Variants in CROCC2 observed in about 807,000 individuals in gnomAD.
The protein encoded by CROCC2 is ciliary rootlet coiled-coil, rootletin family member 2.
Under a neutral mutation model 177.6 loss-of-function variants are expected in CROCC2, and 163 were observed. That is an observed-to-expected ratio of 0.92 (90% CI 0.81 to 1.05). The LOEUF (loss-of-function observed/expected upper bound fraction) is 1.05, where lower values mean the gene tolerates loss of function less well. CROCC2 is among the 50% of genes least tolerant of loss of function. CROCC2 has a pLI of 0.00. For synonymous variants in CROCC2, 904 were observed against 787.3 expected (o/e 1.15, Z -2.48); for missense variants, 1,929 against 1,797.8 (o/e 1.07, Z -1.32).
Position 240,967,535 on chromosome 2 carries a change from G to A in CROCC2, c.4267+70G>A, listed in dbSNP as rs977171699. 6.9e-5 allele frequency: 106 copies of A among 1,533,922 alleles called. No individual in the cohort carries two copies. In the African/African-American group the frequency reaches 1.3e-3, roughly 18 times the overall value. ...AGAGTGGCACCACCATGTCCCCACTGCTGCCGGCTATAAGCTTTCAGTCCC... is the reference window on the plus strand; with the variant it reads ...AGAGTGGCACCACCATGTCCCCACTACTGCCGGCTATAAGCTTTCAGTCCC... On this transcript the variant is annotated intron_variant, in intron 26 of 31. Coordinates refer to ENST00000690015, the MANE Select transcript of CROCC2 (RefSeq NM_001351305.2).
Position 240,964,274 on chromosome 2 carries a change from C to T in CROCC2, c.3306-192C>T, listed in dbSNP as rs550638994. ...AGGTGGATAGTGGACAGGGGCCATG[C>T]GGCCGGCACCGGGACCTGGGTGGAC... On this transcript the variant is annotated intron_variant, in intron 21 of 31. Coordinates refer to ENST00000690015, the MANE Select transcript of CROCC2 (RefSeq NM_001351305.2). 2.4e-3 allele frequency: 1,527 copies of T among 644,656 alleles called. 5 individuals are homozygous for T. Among genetic ancestry groups the T allele is most frequent in the Non-Finnish European group, 3.3e-3 (1,220 of 366,596 alleles). The allele number at this position is 644,656 out of a possible 1,614,324, so 39.9% of individuals were successfully genotyped here.
intron 5 of CROCC2, 145 bp from the exon 6 acceptor site, chr2:240,930,021 C>T (rs2059417443): frequency 3.8e-6 from 2 of 532,506 alleles, no homozygotes; most frequent in African/African-American, 3.8e-5. Context: ...GCCCAGGGCT[C>T]ATTTGCCTGT....
Position 240,931,039 on chromosome 2 carries a change from C to T in CROCC2, c.858C>T (p.Ser286=). 1.4e-6 allele frequency: 1 copy of T among 716,702 alleles called. No individual in the cohort carries two copies. Among genetic ancestry groups the T allele is most frequent in the Non-Finnish European group, 2.6e-6 (1 of 384,804 alleles). 44.4% of individuals were successfully genotyped at this position (716,702 alleles called of 1,614,324 possible). ...GGCTGTCGGCCAGCAGCACGGCCAGCACCCTGGGGCAGCAGCTTCGGGACA... is the reference window on the plus strand; with the variant it reads ...GGCTGTCGGCCAGCAGCACGGCCAGTACCCTGGGGCAGCAGCTTCGGGACA... ...NLRLSASSTA[S]TLGQQLRDKA... The change falls in exon 7 of 32, where the codon AGC becomes AGT. Residue 286 remains serine, a synonymous_variant. Coordinates refer to ENST00000690015, the MANE Select transcript of CROCC2 (RefSeq NM_001351305.2).
intron 28 of CROCC2, among the ~76,000 whole-genome samples, chr2:240,984,186 G>C (rs910707360): frequency 1.3e-5 from 2 of 152,126 alleles, no homozygotes; most frequent in South Asian, 2.1e-4. Flanking sequence ...GTGTCCAGGG[G>C]TGGGCCGCAG....
chr2:240,927,756 T>C (rs2059403196), intron 5 of CROCC2, among the ~76,000 whole-genome samples: 1 of 152,270 alleles, frequency 6.6e-6, no homozygotes, highest in Non-Finnish European at 1.5e-5. Context: ...GTTCAAACGA[T>C]TCTCCCGCCT....
chr2:240,915,065 A>G (rs781349277), intron 1 of CROCC2, among the ~76,000 whole-genome samples: 3 of 152,126 alleles, frequency 2.0e-5, no homozygotes, highest in African/African-American at 4.8e-5. Flanking sequence ...TGCAGGCAGT[A>G]TGGGCTGGCA....
Position 240,933,818 on chromosome 2 carries a change from C to G in CROCC2, c.1612C>G (p.Arg538Gly). Reference sequence around the variant, plus strand: ...AGAGCGGAGGGAGGAGCTGGCTCTGCGGAGGGAGCGGAGCTGCAGGGCACT... The same window carrying G: ...AGAGCGGAGGGAGGAGCTGGCTCTGGGGAGGGAGCGGAGCTGCAGGGCACT... ...QAERREELALRRERSCRALET... is the reference protein window; with the variant it reads ...QAERREELALGRERSCRALET... Residue 538 changes from arginine to glycine, a missense_variant, in exon 11 of 32, where the codon CGG (arginine) becomes GGG (glycine). Coordinates refer to ENST00000690015, the MANE Select transcript of CROCC2 (RefSeq NM_001351305.2). The G allele has an allele frequency of 6.5e-7, 1 of 1,548,042 alleles. No individual in the cohort carries two copies. The highest frequency in any genetic ancestry group is 8.7e-7 in the Non-Finnish European group (1 of 1,146,642).
At chr2:240,971,925 C>T (rs115191628) in intron 27 of CROCC2, among the ~76,000 whole-genome samples, 1,993 of 152,210 alleles carry the variant, frequency 0.013, 38 homozygotes, top group African/African-American at 0.043. Context: ...CCTGTCCCCA[C>T]GGTGGCCTCG....
chr2:240,983,358 G>C, intron 28 of CROCC2: 1 of 1,294,038 alleles, frequency 7.7e-7, no homozygotes. Flanking sequence ...GCCTTAGATG[G>C]AACGACCCCG....
intron 27 of CROCC2, among the ~76,000 whole-genome samples, chr2:240,968,876 G>A (rs1042463472): frequency 6.6e-6 from 1 of 152,172 alleles, no homozygotes; most frequent in Non-Finnish European, 1.5e-5. Flanking sequence ...CCAGGCCTTG[G>A]TCCTCAGTGC....
At position 240,917,277 on chromosome 2, in the gene CROCC2, G is replaced by A. The variant is rs2059326902; in HGVS notation, c.79-1449G>A. The stretch of plus-strand genomic sequence containing the variant: ...GGCGCCATGCTGAGCCTGGGTCTGC[G>A]GTGACTCTCCAACCCCGGCGAGGGG... On this transcript the variant is annotated intron_variant, in intron 1 of 31. Coordinates refer to ENST00000690015, the MANE Select transcript of CROCC2 (RefSeq NM_001351305.2). This position sits in a 1 kb window ranked among gnomAD's most constrained non-coding sequence, Gnocchi z 4.9. 1.5e-5 allele frequency among the ~76,000 whole-genome samples: 2 copies of A among 136,270 alleles called. No individual in the cohort carries two copies. The highest frequency in any genetic ancestry group is 2.5e-4 in the South Asian group (1 of 4,054). The allele number at this position is 136,270 out of a possible 152,430, so 89.4% of individuals were successfully genotyped here.
rs1463986890 is a variant in CROCC2 at position 240,958,584 on chromosome 2, G to A, written c.2944-717G>A. 2.1e-5 allele frequency: 21 copies of A among 985,224 alleles called. No individual in the cohort carries two copies. The highest frequency in any genetic ancestry group is 6.1e-5 in the Admixed American group (1 of 16,294). 61.0% of individuals were successfully genotyped at this position (985,224 alleles called of 1,614,324 possible). A position where few individuals can be genotyped will look rare whatever the true frequency, so the allele number is the denominator to read the frequency against. On this transcript the variant is annotated intron_variant, in intron 19 of 31. Coordinates refer to ENST00000690015, the MANE Select transcript of CROCC2 (RefSeq NM_001351305.2). The surrounding 1 kb of genome is among the most constrained non-coding windows in gnomAD (Gnocchi z 6.7). ...AGCCATCCCCCACCAGCCGCCCCCCGCCAGCCGCCTGCTGCTGCCTGGAGG... is the reference window on the plus strand; with the variant it reads ...AGCCATCCCCCACCAGCCGCCCCCCACCAGCCGCCTGCTGCTGCCTGGAGG...
intron 25 of CROCC2, 26 bp from the exon 26 acceptor site, chr2:240,967,319 C>T: frequency 1.5e-6 from 1 of 665,914 alleles, no homozygotes; most frequent in Non-Finnish European, 2.8e-6. Context: ...TGGACTGCCC[C>T]CGCTGACCTC....
chr2:240,957,973 G>T (rs955036689), intron 19 of CROCC2: 2 of 985,246 alleles, frequency 2.0e-6, no homozygotes, highest in Non-Finnish European at 2.4e-6. Flanking sequence ...GCCTTCTCTG[G>T]AGCCAGTGCT....
intron 1 of CROCC2, among the ~76,000 whole-genome samples, chr2:240,914,741 C>T (rs954093387): frequency 4.6e-5 from 7 of 152,214 alleles, no homozygotes; most frequent in Non-Finnish European, 1.0e-4. Flanking sequence ...TGCTCCCCCT[C>T]CCGCCCCCAG....
intron 27 of CROCC2, 45 bp downstream of exon 27, chr2:240,968,307 A>AG: frequency 6.7e-7 from 1 of 1,497,432 alleles, no homozygotes; most frequent in Non-Finnish European, 8.9e-7. Flanking sequence ...CACAAGAACA[A>AG]GGCCTCTCGG....
At chr2:240,937,892 G>A (rs149091525) in intron 14 of CROCC2, among the ~76,000 whole-genome samples, 4 of 152,292 alleles carry the variant, frequency 2.6e-5, no homozygotes, top group East Asian at 1.9e-4. Flanking sequence ...TGGTTTAAAA[G>A]TGTGTGGCAC....
intron 5 of CROCC2, among the ~76,000 whole-genome samples, 168 bp downstream of exon 5, chr2:240,926,048 C>A (rs2059393767): frequency 6.6e-6 from 1 of 152,244 alleles, no homozygotes; most frequent in African/African-American, 2.4e-5. Context: ...TTGGCCACAG[C>A]AGTCTGTGGA....
Position 240,956,134 on chromosome 2 carries a change from G to A in CROCC2, c.2943+162G>A, listed in dbSNP as rs116783312. The stretch of plus-strand genomic sequence containing the variant: ...GCCTCCAGGGCTCCTGGTGGGAGGG[G>A]CACTCAATGGGCAGGAAAGATCCAA... On this transcript the variant is annotated intron_variant, in intron 19 of 31. Transcript: ENST00000690015. 9.5e-3 allele frequency among the ~76,000 whole-genome samples: 1,453 copies of A among 152,332 alleles called. 22 individuals are homozygous for A. The highest frequency in any genetic ancestry group is 0.033 in the African/African-American group (1,353 of 41,574).
Sources: allele counts gnomAD v4.1 joint callset (sites outside exome capture counted in the v4.1 genomes callset), GRCh38; gene constraint gnomAD v4.1.1; non-coding constraint Gnocchi (gnomAD v3.1); transcripts MANE v1.5; gene names NCBI Gene and HGNC (gene_info 2026-07-23, HGNC 2026-07-21).